The following GDAP1 variants were observed in gnomAD, a reference collection of about 807,000 sequenced individuals.
GDAP1 encodes the protein ganglioside induced differentiation associated protein 1.
In GDAP1, 34 loss-of-function variants were observed where a neutral mutation model predicts 40.1. The ratio of observed to expected loss-of-function variants is 0.85; its 90% CI spans 0.64 to 1.13. GDAP1 has a LOEUF of 1.13. Among genes scored for constraint, GDAP1 ranks in the 50% most tolerant of loss-of-function variants. The pLI is 0.00. For synonymous variants in GDAP1, 170 were observed against 157.4 expected, an observed-to-expected ratio of 1.08 and a Z score of -0.60; for missense variants, 374 against 433.7, an observed-to-expected ratio of 0.86 and a Z score of 1.22.
At chr8:74,418,186 T>G (rs2131557408) in intron 2 of GDAP1, among the ~76,000 whole-genome samples, 1 of 152,308 alleles carries the variant, frequency 6.6e-6, no homozygotes, top group Non-Finnish European at 1.5e-5. Context: ...GATAAGCTTG[T>G]TCTAAAATTT....
In GDAP1 at chr8:74,363,973, TTC is replaced by T; in HGVS notation, c.695-8_695-7del. 2 of 1,613,178 alleles carry T rather than the reference TTC, an allele frequency of 1.2e-6. No individual in the cohort carries two copies. Among genetic ancestry groups the T allele is most frequent in the East Asian group, 4.5e-5 (2 of 44,874 alleles). ...CTTGCCTCTAATTCTCTATGTCCCTTTCTCTAATTAGAAGAGGGCCAGCAACC... is the reference window on the plus strand; with the variant it reads ...CTTGCCTCTAATTCTCTATGTCCCTTTCTAATTAGAAGAGGGCCAGCAACC... On this transcript the variant is annotated splice_polypyrimidine_tract_variant and intron_variant, in intron 5 of 5. Coordinates refer to ENST00000220822, the MANE Select transcript of GDAP1 (RefSeq NM_018972.4).
chr8:74,444,499 A>G (rs747303179), intron 2 of GDAP1, among the ~76,000 whole-genome samples: 8 of 152,202 alleles, frequency 5.3e-5, no homozygotes, highest in Non-Finnish European at 1.0e-4. Flanking sequence ...AGCTGTGGTC[A>G]GTTAATGGGG....
intron 3 of GDAP1, among the ~76,000 whole-genome samples, 184 bp from the exon 4 acceptor site, chr8:74,361,700 A>G (rs556021873): frequency 6.6e-6 from 1 of 152,234 alleles, no homozygotes; most frequent in East Asian, 1.9e-4. Flanking sequence ...CAGCCGGCAG[A>G]TACTCTTATG....
chr8:74,364,567 G>T lies in GDAP1; in HGVS notation c.*200G>T. 1 of 689,768 alleles carries T rather than the reference G, an allele frequency of 1.4e-6. No homozygotes were observed. The allele number at this position is 689,768 out of a possible 1,614,324, so 42.7% of individuals were successfully genotyped here. ...TTTATTCTACAACTGCCAGCTCCAG[G>T]CAGAAATAGGAAGGCAAAGAGATAA... On this transcript the variant is annotated 3_prime_UTR_variant, in exon 6 of 6. Transcript: ENST00000220822.
intron 2 of GDAP1, among the ~76,000 whole-genome samples, chr8:74,398,607 G>C (rs186059175): frequency 6.6e-6 from 1 of 152,298 alleles, no homozygotes; most frequent in Non-Finnish European, 1.5e-5. Context: ...TGGTGAGAGA[G>C]GGCATCCCTG....
chr8:74,422,285 T>TTTCTTTCTTTC (rs1416353756), intron 2 of GDAP1, among the ~76,000 whole-genome samples: 1 of 87,690 alleles, frequency 1.1e-5, no homozygotes, highest in Non-Finnish European at 2.5e-5. Context: ...TTCTTTTTTC[T>TTTCTTTCTTTC]TTTCTTTCTT....
At chr8:74,363,338 A>G (rs1210377137) in intron 5 of GDAP1, among the ~76,000 whole-genome samples, 1 of 152,196 alleles carries the variant, frequency 6.6e-6, no homozygotes, top group Admixed American at 6.5e-5. Flanking sequence ...GTTTGGTTGA[A>G]TAACTTGAGT....
chr8:74,420,993 C>T (rs1805850369), intron 2 of GDAP1, among the ~76,000 whole-genome samples: 1 of 151,926 alleles, frequency 6.6e-6, no homozygotes, highest in Admixed American at 6.6e-5. Flanking sequence ...ATTGCTTTCA[C>T]TTATATCATA....
chr8:74,429,681 G>A (rs4537293), intron 2 of GDAP1, among the ~76,000 whole-genome samples: 152,074 of 152,314 alleles, frequency 1, 75,918 homozygotes, highest in Middle Eastern at 1. Flanking sequence ...ATAAGGCCTC[G>A]TTTAACTTAA....
chr8:74,353,247 G>T (rs4540401), intron 2 of GDAP1, among the ~76,000 whole-genome samples: 37,456 of 152,036 alleles, frequency 0.25, 5,157 homozygotes, highest in African/African-American at 0.35. Flanking sequence ...TGGAAATATG[G>T]AAAGTGCAGA....
At chr8:74,476,214 G>A (rs944539515) in intron 2 of GDAP1, among the ~76,000 whole-genome samples, 6 of 152,064 alleles carry the variant, frequency 3.9e-5, no homozygotes, top group Non-Finnish European at 7.4e-5. Context: ...GACAACATAC[G>A]ATTGGGTATT....
chr8:74,372,696 T>C (rs1235833816), intron 2 of GDAP1, among the ~76,000 whole-genome samples: 2 of 152,176 alleles, frequency 1.3e-5, no homozygotes, highest in African/African-American at 2.4e-5. Context: ...ATTGCAAAAA[T>C]TTTCTCCCTT....
At chr8:74,400,682 G>T (rs1233247805) in intron 2 of GDAP1, among the ~76,000 whole-genome samples, 20 of 149,780 alleles carry the variant, frequency 1.3e-4, no homozygotes, top group Admixed American at 1.1e-3. Context: ...ATTTTGCAGT[G>T]GCTGGTACCA....
chr8:74,378,077 C>T (rs1390604131), intron 2 of GDAP1, among the ~76,000 whole-genome samples: 3 of 152,186 alleles, frequency 2.0e-5, no homozygotes. Context: ...CTGAACTTGT[C>T]CTATGTCTGA....
intron 2 of GDAP1, among the ~76,000 whole-genome samples, chr8:74,408,506 C>A (rs1805668967): frequency 6.7e-6 from 1 of 150,094 alleles, no homozygotes; most frequent in Non-Finnish European, 1.5e-5. Flanking sequence ...CTGCCTTTCC[C>A]TTTCCAACTA....
chr8:74,382,867 C>A (rs1220561448), intron 2 of GDAP1, among the ~76,000 whole-genome samples: 2 of 151,874 alleles, frequency 1.3e-5, no homozygotes, highest in Non-Finnish European at 2.9e-5. Flanking sequence ...TCTTTTATTT[C>A]AGTTACTGTC....
At chr8:74,403,666 A>T (rs1052165725) in intron 2 of GDAP1, among the ~76,000 whole-genome samples, 3 of 150,294 alleles carry the variant, frequency 2.0e-5, no homozygotes, top group African/African-American at 7.6e-5. Flanking sequence ...ATTTGGGCAG[A>T]TTTCTGACCT....
chr8:74,376,097 T>G, intron 2 of GDAP1, among the ~76,000 whole-genome samples: 1 of 152,196 alleles, frequency 6.6e-6, no homozygotes, highest in East Asian at 1.9e-4. Flanking sequence ...AAATAATTGA[T>G]AAAAGAAATT....
Position 74,363,516 on chromosome 8 carries a change from A to G in GDAP1, c.694+463A>G, listed in dbSNP as rs113495471. 8.2e-3 allele frequency among the ~76,000 whole-genome samples: 1,246 copies of G among 152,196 alleles called. 17 individuals carry two copies. The highest frequency in any genetic ancestry group is 0.028 in the African/African-American group (1,177 of 41,534). ...TGTATACACATGGGCCATTTATGCT[A>G]CTCCGACTAGAGTTGAAGACTATGT... On this transcript the variant is annotated intron_variant, in intron 5 of 5. Coordinates refer to ENST00000220822, the MANE Select transcript of GDAP1 (RefSeq NM_018972.4).
Sources: allele counts gnomAD v4.1 joint callset (sites outside exome capture counted in the v4.1 genomes callset), GRCh38; gene constraint gnomAD v4.1.1; transcripts MANE v1.5; gene names NCBI Gene and HGNC (gene_info 2026-07-23, HGNC 2026-07-21).